RAB28: variants seen among roughly 807,000 people sequenced by gnomAD.
RAB28 encodes RAB28, member RAS oncogene family.
RAB28 carries 24 observed loss-of-function variants against 31.7 expected under a neutral mutation model. That is an observed-to-expected ratio of 0.76 (90% CI 0.55 to 1.06). The LOEUF (loss-of-function observed/expected upper bound fraction) is 1.06. RAB28 is among the 50% of genes least tolerant of loss of function. The pLI, the probability that RAB28 is intolerant of heterozygous loss-of-function variation, is 0.00. For synonymous variants in RAB28, 100 were observed against 90.4 expected (o/e 1.11, Z -0.60); for missense variants, 254 against 258.5 (o/e 0.98, Z 0.12).
At chr4:13,483,960 C>T in intron 1 of RAB28, 116 bp downstream of exon 1, 1 of 980,480 alleles carries the variant, frequency 1.0e-6, no homozygotes, top group Non-Finnish European at 1.5e-6. Context: ...CAGAAGGGCC[C>T]GGGCCTAGAA....
chr4:13,382,936 A>G (rs1560269493), intron 4 of RAB28, among the ~76,000 whole-genome samples: 1 of 151,970 alleles, frequency 6.6e-6, no homozygotes, highest in East Asian at 1.9e-4. Context: ...CTGACCTCAA[A>G]TGATCCACCC....
At chr4:13,378,653 A>G (rs1729012576) in intron 5 of RAB28, among the ~76,000 whole-genome samples, 3 of 152,198 alleles carry the variant, frequency 2.0e-5, no homozygotes, top group Admixed American at 2.0e-4. Flanking sequence ...TGCTAAAGCA[A>G]TATCCTTGAT....
Position 13,479,534 on chromosome 4 carries a change from A to C in RAB28, c.76-8T>G. ...ACACGTAGTTAAGGAGGTCTAAAAA[A>C]TTGATGCACAGAATGTCAAAATTAA... On this transcript the variant is annotated splice_region_variant and splice_polypyrimidine_tract_variant and intron_variant, in intron 1 of 6. Coordinates refer to ENST00000330852, the MANE Select transcript of RAB28 (RefSeq NM_001017979.3). 1.3e-6 allele frequency: 2 copies of C among 1,528,502 alleles called. No individual in the cohort carries two copies. The highest frequency in any genetic ancestry group is 1.8e-6 in the Non-Finnish European group (2 of 1,107,634). 94.7% of individuals were successfully genotyped at this position (1,528,502 alleles called of 1,614,324 possible).
intron 6 of RAB28, chr4:13,369,983 C>T (rs752500194): frequency 1.1e-5 from 17 of 1,578,892 alleles, no homozygotes; most frequent in East Asian, 2.3e-5. Context: ...TTCCATACAA[C>T]ATAAATGAGA....
At chr4:13,383,883 C>A (rs369835225) in intron 4 of RAB28, among the ~76,000 whole-genome samples, 5 of 152,198 alleles carry the variant, frequency 3.3e-5, no homozygotes, top group Non-Finnish European at 4.4e-5. Context: ...TCACACAGGG[C>A]TAGTCCAACC....
chr4:13,481,617 GA>G (rs200244632), intron 1 of RAB28, among the ~76,000 whole-genome samples: 3 of 147,808 alleles, frequency 2.0e-5, no homozygotes, highest in Middle Eastern at 3.4e-3. Flanking sequence ...TGAAAAGACA[GA>G]AAAAAAAAGA....
intron 4 of RAB28, among the ~76,000 whole-genome samples, chr4:13,407,791 T>C (rs966257221): frequency 6.6e-6 from 1 of 152,210 alleles, no homozygotes; most frequent in Non-Finnish European, 1.5e-5. Context: ...TGAATGGAAG[T>C]TCACTCATGA....
At chr4:13,424,095 T>G (rs1447329210) in intron 4 of RAB28, among the ~76,000 whole-genome samples, 1 of 152,250 alleles carries the variant, frequency 6.6e-6, no homozygotes, top group African/African-American at 2.4e-5. Flanking sequence ...TGTAAAGTGT[T>G]GGATGAAAAA....
At chr4:13,424,652 G>C (rs1478989215) in intron 4 of RAB28, among the ~76,000 whole-genome samples, 2 of 152,112 alleles carry the variant, frequency 1.3e-5, no homozygotes, top group Admixed American at 6.6e-5. Context: ...ACAGTCAAGA[G>C]ACTTTCCAAA....
chr4:13,399,559 CTATGAGTTCCTGT>C (rs1170056348), intron 4 of RAB28, among the ~76,000 whole-genome samples: 1 of 152,146 alleles, frequency 6.6e-6, no homozygotes, highest in Non-Finnish European at 1.5e-5. Flanking sequence ...CTAGTAGTGA[CTATGAGTTCCTGT>C]AGATTGACAT....
chr4:13,446,246 C>CA (rs1714688744), intron 4 of RAB28, among the ~76,000 whole-genome samples: 1 of 152,148 alleles, frequency 6.6e-6, no homozygotes, highest in Non-Finnish European at 1.5e-5. Flanking sequence ...AGTCCGACTC[C>CA]AGACTGCTGT....
chr4:13,426,334 T>C (rs963372188), intron 4 of RAB28, among the ~76,000 whole-genome samples: 1 of 152,012 alleles, frequency 6.6e-6, no homozygotes, highest in Non-Finnish European at 1.5e-5. Context: ...CTAATGAGGA[T>C]GCAACATCAG....
chr4:13,418,870 T>A (rs570986838), intron 4 of RAB28, among the ~76,000 whole-genome samples: 3 of 152,276 alleles, frequency 2.0e-5, no homozygotes, highest in African/African-American at 7.2e-5. Context: ...CCAGCTGATA[T>A]CATAATGACA....
chr4:13,394,194 A>T (rs983637799), intron 4 of RAB28, among the ~76,000 whole-genome samples: 1 of 152,182 alleles, frequency 6.6e-6, no homozygotes, highest in Non-Finnish European at 1.5e-5. Flanking sequence ...GACCTCTTTG[A>T]TCTGAGATCT....
rs971367634 is a variant in RAB28 at position 13,416,292 on chromosome 4, C to T, written c.392-34698G>A. On this transcript the variant is annotated intron_variant, in intron 4 of 6. Transcript: ENST00000330852. Reference sequence around the variant, plus strand: ...CCTTTATGAGCTGTAACACTCACTGCGAAGGTCTGCAGCTTCACTCCTGAG... The same window carrying T: ...CCTTTATGAGCTGTAACACTCACTGTGAAGGTCTGCAGCTTCACTCCTGAG... 6.6e-5 allele frequency among the ~76,000 whole-genome samples: 10 copies of T among 152,114 alleles called. No individual in the cohort carries two copies. The East Asian group carries it at 1.2e-3, about 18-fold the overall frequency.
chr4:13,444,228 C>T (rs1428079405), intron 4 of RAB28, among the ~76,000 whole-genome samples: 6 of 151,908 alleles, frequency 3.9e-5, no homozygotes, highest in Non-Finnish European at 7.4e-5. Flanking sequence ...GGGGTTTCAC[C>T]GTGTTAGCCA....
Position 13,443,447 on chromosome 4 carries a change from C to A in RAB28, c.391+17252G>T, listed in dbSNP as rs765625252. ...TCAGCCTCCCAGAGTGCTGGGATTA[C>A]AGGCGTGAGCCACCGCACCTGGCCA... On this transcript the variant is annotated intron_variant, in intron 4 of 6. Coordinates refer to ENST00000330852, the MANE Select transcript of RAB28 (RefSeq NM_001017979.3). 9.2e-5 allele frequency among the ~76,000 whole-genome samples: 14 copies of A among 152,344 alleles called. 1 individual carries two copies. The South Asian group carries it at 1.5e-3, about 16-fold the overall frequency.
chr4:13,406,789 T>A (rs536757421), intron 4 of RAB28, among the ~76,000 whole-genome samples: 48 of 152,376 alleles, frequency 3.2e-4, no homozygotes, highest in Admixed American at 1.8e-3. Flanking sequence ...ATTGGCTGCA[T>A]AAATGTCTTC....
chr4:13,410,306 T>C (rs1362839322), intron 4 of RAB28, among the ~76,000 whole-genome samples: 3 of 152,116 alleles, frequency 2.0e-5, no homozygotes, highest in Non-Finnish European at 4.4e-5. Flanking sequence ...GATAGAGCAG[T>C]AAAATCCCCT....
Sources: allele counts gnomAD v4.1 joint callset (sites outside exome capture counted in the v4.1 genomes callset), GRCh38; gene constraint gnomAD v4.1.1; transcripts MANE v1.5; gene names NCBI Gene and HGNC (gene_info 2026-07-23, HGNC 2026-07-21).